The following F8 variants were observed in gnomAD, a reference collection of about 807,000 sequenced individuals.
F8 encodes antihemophilic factor.
A neutral mutation model predicts 140.6 loss-of-function variants in F8; 12 were observed. The ratio of observed to expected loss-of-function variants is 0.09; its 90% CI spans 0.05 to 0.14. The LOEUF is 0.14. Among genes scored for constraint, F8 ranks in the 10% least tolerant of loss-of-function variants. The pLI, the probability that F8 is intolerant of heterozygous loss-of-function variation, is 1.00. For synonymous variants in F8, 585 were observed against 614.6 expected, an observed-to-expected ratio of 0.95 and a Z score of 0.71; for missense variants, 1,354 against 1,720.7, an observed-to-expected ratio of 0.79 and a Z score of 3.77.
At chrX:154,840,004 T>TTAG (rs2072508157) in intron 25 of F8, among the ~76,000 whole-genome samples, 2 of 112,453 alleles carry the variant, frequency 1.8e-5, no homozygotes, top group Admixed American at 1.9e-4. Flanking sequence ...ACATCTTTTG[T>TTAG]TAGACTTAAT....
intron 13 of F8, among the ~76,000 whole-genome samples, chrX:154,944,005 T>C (rs1324223787): frequency 8.9e-6 from 1 of 111,872 alleles, no homozygotes; most frequent in Non-Finnish European, 1.9e-5. Flanking sequence ...TTACACCTTA[T>C]ACTAAAATTA....
rs1278743398 is a variant in F8 at position 154,837,592 on chromosome X, C to T, written c.*5G>A. On this transcript the variant is annotated 3_prime_UTR_variant, in exon 26 of 26. Coordinates refer to ENST00000360256, the MANE Select transcript of F8 (RefSeq NM_000132.4). ...CGGCAGTGGCAGGTGCTGCAGTGGC[C>T]ACCCTCAGTAGAGGTCCTGTGCCTC... 1.7e-6 allele frequency: 2 copies of T among 1,188,591 alleles called. No individual in the cohort carries two copies. The highest frequency in any genetic ancestry group is 4.7e-5 in the Admixed American group (2 of 42,411).
chrX:154,841,842 T>A (rs1557271360), intron 25 of F8, among the ~76,000 whole-genome samples: 1 of 111,795 alleles, frequency 8.9e-6, no homozygotes, highest in African/African-American at 3.2e-5. Flanking sequence ...GGGATTTATG[T>A]TTATGAATAA....
At chrX:154,942,487 T>G (rs1425265843) in intron 13 of F8, among the ~76,000 whole-genome samples, 3 of 110,101 alleles carry the variant, frequency 2.7e-5, no homozygotes, top group African/African-American at 9.9e-5. Flanking sequence ...AATCTCTGAA[T>G]AGACCAATAA....
In F8 at chrX:154,991,106, C is replaced by T. The variant is rs188610565; in HGVS notation, c.601+1830G>A. ...TGTTCCCCTCCCTAAGTTTTTACTC[C>T]GGCAGGTTTCTGTTGCCAGCCACTG... On this transcript the variant is annotated intron_variant, in intron 4 of 25. Coordinates refer to ENST00000360256, the MANE Select transcript of F8 (RefSeq NM_000132.4). 6.5e-4 allele frequency among the ~76,000 whole-genome samples: 73 copies of T among 112,241 alleles called. 1 individual carries two copies. The highest frequency in any genetic ancestry group is 1.1e-3 in the Non-Finnish European group (56 of 53,225).
At chrX:154,852,532 T>A (rs1427501386) in intron 25 of F8, among the ~76,000 whole-genome samples, 1 of 111,940 alleles carries the variant, frequency 8.9e-6, no homozygotes, top group Non-Finnish European at 1.9e-5. Context: ...TAGGCTTATT[T>A]CTGGACTCTC....
At chrX:154,973,918 T>A (rs782589066) in intron 6 of F8, among the ~76,000 whole-genome samples, 4 of 111,674 alleles carry the variant, frequency 3.6e-5, no homozygotes, top group Non-Finnish European at 7.5e-5. Flanking sequence ...TGCTTCAGCC[T>A]CTCGAGTAGC....
At chrX:154,872,335 G>A (rs1557273654) in intron 22 of F8, among the ~76,000 whole-genome samples, 2 of 111,953 alleles carry the variant, frequency 1.8e-5, no homozygotes, top group African/African-American at 3.2e-5. Context: ...TTAAGAAAAT[G>A]TAGCACATAT....
chrX:154,841,208 C>CTTTT (rs1168917544), intron 25 of F8, among the ~76,000 whole-genome samples: 38 of 48,641 alleles, frequency 7.8e-4, no homozygotes, highest in African/African-American at 1.4e-3. Flanking sequence ...TTGCTTTCTT[C>CTTTT]TTTTTTTTTT....
At chrX:155,021,819 C>A (rs1330534553) in intron 1 of F8, among the ~76,000 whole-genome samples, 1 of 111,119 alleles carries the variant, frequency 9.0e-6, no homozygotes, top group Non-Finnish European at 1.9e-5. Context: ...CAAAATATAC[C>A]AATATTTACT....
At chrX:154,938,884 A>AATATAT (rs34552198) in intron 13 of F8, among the ~76,000 whole-genome samples, 12 of 104,893 alleles carry the variant, frequency 1.1e-4, no homozygotes, top group Admixed American at 7.1e-4. Flanking sequence ...GAAAGGTGTA[A>AATATAT]ATATATATAT....
intron 21 of F8, among the ~76,000 whole-genome samples, chrX:154,899,441 T>G (rs782733157): frequency 8.9e-6 from 1 of 112,342 alleles, no homozygotes; most frequent in South Asian, 3.7e-4. Context: ...AATGTATTAT[T>G]AAAGTGAATT....
intron 21 of F8, among the ~76,000 whole-genome samples, chrX:154,898,460 C>T (rs28370222): frequency 0.029 from 3,210 of 111,814 alleles, 102 homozygotes; most frequent in African/African-American, 0.097. Context: ...TGGTTATCAA[C>T]TTAAAGGGAG....
chrX:154,942,085 C>G (rs1245023733), intron 13 of F8, among the ~76,000 whole-genome samples: 7 of 98,427 alleles, frequency 7.1e-5, no homozygotes, highest in Non-Finnish European at 1.0e-4. Context: ...AAATTGACAC[C>G]CTAACATCAC....
intron 13 of F8, among the ~76,000 whole-genome samples, chrX:154,935,475 T>C (rs190629874): frequency 9.0e-6 from 1 of 111,516 alleles, no homozygotes; most frequent in Admixed American, 9.5e-5. Context: ...AACTGGATGT[T>C]TACATGCAAA....
At position 154,999,528 on chromosome X, in the gene F8, T is replaced by C. The variant is rs1557285429; in HGVS notation, c.216A>G (p.Glu72=). The C allele has an allele frequency of 1.7e-6, 2 of 1,209,252 alleles. No individual in the cohort carries two copies. Among genetic ancestry groups the C allele is most frequent in the East Asian group, 5.9e-5 (2 of 33,736 alleles). The part of the protein sequence containing the change: ...SVVYKKTLFV[E]FTDHLFNIAK... ...CGATGTTGAAAAGGTGATCCGTGAATTCTACAAACAGAGTCTTTTTGTACA... is the reference window on the plus strand; with the variant it reads ...CGATGTTGAAAAGGTGATCCGTGAACTCTACAAACAGAGTCTTTTTGTACA... The change falls in exon 2 of 26, where the codon GAA becomes GAG. Residue 72 remains glutamate (E), a synonymous_variant. Transcript: ENST00000360256.
intron 14 of F8, among the ~76,000 whole-genome samples, chrX:154,924,043 C>G (rs1247336514): frequency 8.9e-6 from 1 of 112,409 alleles, no homozygotes; most frequent in African/African-American, 3.2e-5. Flanking sequence ...CCATGTAAGA[C>G]AAGACTTGCT....
At chrX:155,013,569 C>A (rs1291955635) in intron 1 of F8, among the ~76,000 whole-genome samples, 1 of 111,598 alleles carries the variant, frequency 9.0e-6, no homozygotes, top group African/African-American at 3.3e-5. Context: ...TATATCAAAA[C>A]CAGACAATGA....
At chrX:155,021,121 T>C (rs2073758142) in intron 1 of F8, among the ~76,000 whole-genome samples, 1 of 112,190 alleles carries the variant, frequency 8.9e-6, no homozygotes, top group Admixed American at 9.5e-5. Context: ...GAATTAAAGC[T>C]ATACCAATTG....
Sources: gnomAD v4.1 joint callset for allele counts (sites outside exome capture counted in the v4.1 genomes callset) on GRCh38, gnomAD v4.1.1 for gene constraint, MANE v1.5 for transcripts, NCBI Gene and HGNC (gene_info 2026-07-23, HGNC 2026-07-21) for gene names.